Variants in OPCML observed in about 807,000 individuals in gnomAD.
OPCML encodes opioid binding protein/cell adhesion molecule like.
In OPCML, 13 loss-of-function variants were observed where a neutral mutation model predicts 37.8. That is an observed-to-expected ratio of 0.34 (90% confidence interval 0.22 to 0.55). OPCML has a LOEUF of 0.55. Ranked by LOEUF, OPCML falls within the 20% of genes least tolerant of loss-of-function variation. The probability of loss-of-function intolerance (pLI) is 0.91; values close to 1 mark genes in which losing one functional copy is unlikely to be tolerated. For missense variants in OPCML, 341 were observed against 435.6 expected, an observed-to-expected ratio of 0.78 and a Z score of 1.93; for synonymous variants, 176 against 168.8, an observed-to-expected ratio of 1.04 and a Z score of -0.33.
At chr11:132,720,300 GC>G (rs1257933074) in intron 2 of OPCML, among the ~76,000 whole-genome samples, 4 of 152,188 alleles carry the variant, frequency 2.6e-5, no homozygotes, top group African/African-American at 9.7e-5. Context: ...CCAAGACCTG[GC>G]CACAGCCCTC....
chr11:132,498,187 A>G (rs1320045644), intron 4 of OPCML, among the ~76,000 whole-genome samples: 2 of 152,232 alleles, frequency 1.3e-5, no homozygotes, highest in Non-Finnish European at 1.5e-5. Flanking sequence ...AATGGTGGTA[A>G]CATTACTTAA....
intron 1 of OPCML, among the ~76,000 whole-genome samples, chr11:133,050,720 CT>C (rs71038515): frequency 0.64 from 91,526 of 143,926 alleles, 29,416 homozygotes; most frequent in Middle Eastern, 0.72. Context: ...CTTCTTCTTC[CT>C]TTTTTTTTTT....
chr11:133,432,536 C>G (rs935775488), intron 1 of OPCML, among the ~76,000 whole-genome samples: 1 of 152,028 alleles, frequency 6.6e-6, no homozygotes, highest in South Asian at 2.1e-4. Flanking sequence ...CCACCATGCC[C>G]AGTTTTTTGT....
intron 1 of OPCML, among the ~76,000 whole-genome samples, chr11:133,027,546 C>A (rs1408617268): frequency 7.0e-6 from 1 of 142,230 alleles, no homozygotes; most frequent in East Asian, 2.2e-4. Flanking sequence ...GAATGTGTTA[C>A]GTGTGTAGTG....
chr11:132,915,027 A>G (rs983134610), intron 2 of OPCML, among the ~76,000 whole-genome samples: 3 of 152,102 alleles, frequency 2.0e-5, no homozygotes, highest in Non-Finnish European at 4.4e-5. Flanking sequence ...TTATGTTATT[A>G]CCCTTATTTT....
chr11:132,998,176 C>T (rs75455737), intron 1 of OPCML, among the ~76,000 whole-genome samples: 5,584 of 152,228 alleles, frequency 0.037, 337 homozygotes, highest in African/African-American at 0.13. Context: ...CATTCTGTCA[C>T]GGTTCCACTC....
intron 1 of OPCML, among the ~76,000 whole-genome samples, chr11:133,379,269 C>A (rs1944880213): frequency 1.3e-5 from 2 of 152,204 alleles, no homozygotes; most frequent in South Asian, 4.1e-4. Flanking sequence ...CCTCACTTCT[C>A]CCTGTGTTAT....
chr11:133,309,766 G>A (rs552821244), intron 1 of OPCML, among the ~76,000 whole-genome samples: 40 of 152,266 alleles, frequency 2.6e-4, no homozygotes, highest in Admixed American at 1.0e-3. Context: ...TGTAGACAGT[G>A]GAACTGGAGA....
chr11:132,717,679 AC>A (rs1397415520), intron 2 of OPCML, among the ~76,000 whole-genome samples: 3 of 152,204 alleles, frequency 2.0e-5, no homozygotes, highest in Non-Finnish European at 4.4e-5. Context: ...AAACAATCAA[AC>A]TCAGAAAATA....
At chr11:132,748,509 C>T (rs1185301388) in intron 2 of OPCML, among the ~76,000 whole-genome samples, 1 of 152,016 alleles carries the variant, frequency 6.6e-6, no homozygotes, top group Non-Finnish European at 1.5e-5. Flanking sequence ...AGAAAAGTAA[C>T]GTAGGAAAAT....
chr11:132,437,195 G>C, intron 5 of OPCML, 27 bp downstream of exon 5: 19 of 1,606,830 alleles, frequency 1.2e-5, no homozygotes, highest in Non-Finnish European at 1.6e-5. Context: ...CTTTTCCCCA[G>C]AACCCCCTGG....
At chr11:132,858,592 G>T (rs571012214) in intron 2 of OPCML, among the ~76,000 whole-genome samples, 1 of 152,162 alleles carries the variant, frequency 6.6e-6, no homozygotes, top group Admixed American at 6.5e-5. Flanking sequence ...TTCTTCCCGG[G>T]GGGTGAGGAG....
At chr11:132,991,414 A>C (rs760192866) in intron 1 of OPCML, among the ~76,000 whole-genome samples, 2 of 152,204 alleles carry the variant, frequency 1.3e-5, no homozygotes, top group Non-Finnish European at 2.9e-5. Flanking sequence ...TTTTCACCTT[A>C]GATTAGCGGT....
chr11:132,804,072 A>G lies in OPCML; in HGVS notation c.146+138854T>C, dbSNP rs1258479188. On this transcript the variant is annotated intron_variant, in intron 2 of 7. Coordinates refer to ENST00000524381, the MANE Select transcript of OPCML (RefSeq NM_001012393.5). ...CATAAACAGCTTTAAAATATCAAAT[A>G]TAATTGTCTTCGGTCAGTAAAGAGC... Among the ~76,000 whole-genome samples, 3 of 152,178 alleles carry G rather than the reference A, an allele frequency of 2.0e-5. No homozygotes were observed. The East Asian group carries it at 5.8e-4, about 29-fold the overall frequency.
At chr11:132,436,589 A>T in intron 6 of OPCML, 70 bp downstream of exon 6, 4 of 1,586,288 alleles carry the variant, frequency 2.5e-6, no homozygotes, top group Non-Finnish European at 3.4e-6. Flanking sequence ...CTTCATCCTC[A>T]TCCTTCTCCC....
At chr11:132,625,367 G>T (rs1225733342) in intron 3 of OPCML, among the ~76,000 whole-genome samples, 1 of 152,124 alleles carries the variant, frequency 6.6e-6, no homozygotes, top group East Asian at 1.9e-4. Context: ...TCCATGATCT[G>T]AGTGGGGCTT....
chr11:132,759,846 A>G (rs1946198307), intron 2 of OPCML, among the ~76,000 whole-genome samples: 1 of 151,544 alleles, frequency 6.6e-6, no homozygotes, highest in South Asian at 2.1e-4. Flanking sequence ...CTAGCTTTGG[A>G]ATTTGTTTGC....
intron 1 of OPCML, among the ~76,000 whole-genome samples, chr11:133,101,822 G>A (rs1250032163): frequency 1.3e-5 from 2 of 152,150 alleles, no homozygotes; most frequent in South Asian, 2.1e-4. Flanking sequence ...CAACCAAAGT[G>A]TCCTTCAGTA....
chr11:133,493,219 C>T (rs1947704763), intron 1 of OPCML, among the ~76,000 whole-genome samples: 1 of 152,210 alleles, frequency 6.6e-6, no homozygotes, highest in South Asian at 2.1e-4. Flanking sequence ...ATGGTAAGAG[C>T]ACAGGAAGCC....
Sources: gnomAD v4.1 joint callset for allele counts (sites outside exome capture counted in the v4.1 genomes callset) on GRCh38, gnomAD v4.1.1 for gene constraint, MANE v1.5 for transcripts, NCBI Gene and HGNC (gene_info 2026-07-23, HGNC 2026-07-21) for gene names.